Variants in NRCAM observed in about 807,000 individuals in gnomAD.
The protein encoded by NRCAM is neuronal cell adhesion molecule.
In NRCAM, 83 loss-of-function variants were observed where a neutral mutation model predicts 156.5. The observed-to-expected ratio is 0.53, with a 90% CI of 0.44 to 0.64. NRCAM has a LOEUF of 0.64. NRCAM is among the 30% of genes least tolerant of loss of function. The probability of loss-of-function intolerance (pLI) is 0.00; values close to 1 mark genes in which losing one functional copy is unlikely to be tolerated. For missense variants in NRCAM, 1,417 were observed against 1,597.3 expected (o/e 0.89, Z 1.92); for synonymous variants, 538 against 563.9 (o/e 0.95, Z 0.65).
At chr7:108,446,879 C>G (rs1016414976) in intron 1 of NRCAM, among the ~76,000 whole-genome samples, 2 of 151,858 alleles carry the variant, frequency 1.3e-5, no homozygotes, top group Non-Finnish European at 2.9e-5. Flanking sequence ...AGACGCCCAC[C>G]ACCACACCTG....
At chr7:108,162,254 A>G (rs1180204239) in intron 30 of NRCAM, among the ~76,000 whole-genome samples, 1 of 152,220 alleles carries the variant, frequency 6.6e-6, no homozygotes, top group African/African-American at 2.4e-5. Flanking sequence ...AATCTGCAAA[A>G]ATCTTAAGTT....
chr7:108,333,955 TGTGTCC>T (rs2099152897), intron 2 of NRCAM, among the ~76,000 whole-genome samples: 1 of 152,222 alleles, frequency 6.6e-6, no homozygotes, highest in African/African-American at 2.4e-5. Context: ...TCTCTGTGTG[TGTGTCC>T]GTAATTTCAA....
chr7:108,168,238 C>A, intron 29 of NRCAM, 39 bp downstream of exon 29: 1 of 1,471,190 alleles, frequency 6.8e-7, no homozygotes, highest in South Asian at 1.5e-5. Flanking sequence ...AAAAATGCAT[C>A]CCCCAAATTA....
intron 3 of NRCAM, among the ~76,000 whole-genome samples, 185 bp from the exon 4 acceptor site, chr7:108,240,355 T>C (rs980479410): frequency 6.6e-6 from 1 of 152,180 alleles, no homozygotes; most frequent in Non-Finnish European, 1.5e-5. Context: ...TAAAATCAGT[T>C]CAGAGATATT....
chr7:108,172,208 C>T (rs914333731), intron 28 of NRCAM, among the ~76,000 whole-genome samples: 1 of 152,172 alleles, frequency 6.6e-6, no homozygotes, highest in Non-Finnish European at 1.5e-5. Context: ...TTTGAGCCTG[C>T]ACATTTTTGG....
intron 2 of NRCAM, among the ~76,000 whole-genome samples, chr7:108,361,958 T>A (rs557226273): frequency 8.1e-4 from 124 of 152,286 alleles, no homozygotes; most frequent in Middle Eastern, 6.8e-3. Flanking sequence ...CTCCCAGGTA[T>A]TTATTCAATT....
chr7:108,243,406 C>G (rs947950757), intron 3 of NRCAM, among the ~76,000 whole-genome samples: 1 of 152,134 alleles, frequency 6.6e-6, no homozygotes, highest in African/African-American at 2.4e-5. Flanking sequence ...GAAAAACCAC[C>G]GCTTTGCACT....
intron 20 of NRCAM, among the ~76,000 whole-genome samples, chr7:108,188,159 C>T (rs928086259): frequency 6.6e-6 from 1 of 152,060 alleles, no homozygotes; most frequent in Non-Finnish European, 1.5e-5. Context: ...TAGTCTCAGC[C>T]AGGTCAACCA....
chr7:108,439,945 T>A (rs898015441), intron 1 of NRCAM, among the ~76,000 whole-genome samples: 2 of 152,164 alleles, frequency 1.3e-5, no homozygotes, highest in Admixed American at 6.5e-5. Flanking sequence ...ACAGCCACTT[T>A]AAAAAATAGT....
At chr7:108,236,347 A>T (rs2094996204) in intron 5 of NRCAM, among the ~76,000 whole-genome samples, 1 of 152,190 alleles carries the variant, frequency 6.6e-6, no homozygotes, top group Admixed American at 6.5e-5. Flanking sequence ...GTACTATTAT[A>T]TGCAGGGTAC....
At chr7:108,185,990 C>T (rs995724932) in intron 20 of NRCAM, among the ~76,000 whole-genome samples, 58 of 152,168 alleles carry the variant, frequency 3.8e-4, no homozygotes, top group African/African-American at 1.1e-3. Flanking sequence ...GAGACAGGGG[C>T]GGGAGGAAGA....
At chr7:108,325,986 T>C (rs1206904438) in intron 2 of NRCAM, among the ~76,000 whole-genome samples, 1 of 152,174 alleles carries the variant, frequency 6.6e-6, no homozygotes, top group Non-Finnish European at 1.5e-5. Context: ...ATTTTATAGC[T>C]TTATGTACTA....
chr7:108,272,630 C>T (rs2097404372), intron 3 of NRCAM, among the ~76,000 whole-genome samples: 1 of 151,572 alleles, frequency 6.6e-6, no homozygotes, highest in South Asian at 2.1e-4. Flanking sequence ...ATACATAGCA[C>T]CCTATTTTTA....
chr7:108,153,791 A>T (rs1404716628), intron 32 of NRCAM, among the ~76,000 whole-genome samples: 1 of 152,300 alleles, frequency 6.6e-6, no homozygotes, highest in African/African-American at 2.4e-5. Flanking sequence ...TCTTGCAAAA[A>T]ATTAGGAAAT....
chr7:108,347,237 C>T (rs539326020), intron 2 of NRCAM, among the ~76,000 whole-genome samples: 7 of 151,996 alleles, frequency 4.6e-5, no homozygotes, highest in South Asian at 4.1e-4. Flanking sequence ...GGGATTTCAC[C>T]GTGTTAGCCA....
intron 2 of NRCAM, among the ~76,000 whole-genome samples, chr7:108,363,781 G>T (rs1219934962): frequency 1.3e-5 from 2 of 152,152 alleles, no homozygotes; most frequent in Non-Finnish European, 2.9e-5. Flanking sequence ...GTCTTATCAT[G>T]AGAAAGACCT....
chr7:108,384,255 A>T (rs1321861722), intron 2 of NRCAM, among the ~76,000 whole-genome samples: 2 of 152,170 alleles, frequency 1.3e-5, no homozygotes, highest in African/African-American at 4.8e-5. Flanking sequence ...TAAAAGTCAA[A>T]AAAACCCAAT....
At chr7:108,350,415 C>T (rs1563382622) in intron 2 of NRCAM, among the ~76,000 whole-genome samples, 1 of 152,164 alleles carries the variant, frequency 6.6e-6, no homozygotes, top group Non-Finnish European at 1.5e-5. Flanking sequence ...GAGGATAGGC[C>T]TGAAGAACTA....
intron 2 of NRCAM, among the ~76,000 whole-genome samples, chr7:108,340,705 A>G (rs927250353): frequency 1.3e-5 from 2 of 152,204 alleles, no homozygotes; most frequent in African/African-American, 4.8e-5. Context: ...GAATTATTCA[A>G]TGATGTCCAC....
Sources: gnomAD v4.1 joint callset for allele counts (sites outside exome capture counted in the v4.1 genomes callset) on GRCh38, gnomAD v4.1.1 for gene constraint, MANE v1.5 for transcripts, NCBI Gene and HGNC (gene_info 2026-07-23, HGNC 2026-07-21) for gene names.